Variants in CPQ observed in about 807,000 individuals in gnomAD.
The protein encoded by CPQ is Ser-Met dipeptidase.
Under a neutral mutation model 45.7 loss-of-function variants are expected in CPQ, and 37 were observed. That is an observed-to-expected ratio of 0.81 (90% confidence interval 0.62 to 1.07). The LOEUF is 1.07. Among genes scored for constraint, CPQ ranks in the 50% least tolerant of loss-of-function variants. The pLI, the probability that CPQ is intolerant of heterozygous loss-of-function variation, is 0.00. For missense variants in CPQ, 537 were observed against 572.9 expected, an observed-to-expected ratio of 0.94 and a Z score of 0.64; for synonymous variants, 186 against 205.8, an observed-to-expected ratio of 0.90 and a Z score of 0.82.
intron 6 of CPQ, among the ~76,000 whole-genome samples, chr8:97,054,696 AC>A (rs1305272115): frequency 6.6e-6 from 1 of 152,190 alleles, no homozygotes; most frequent in Non-Finnish European, 1.5e-5. Flanking sequence ...ACATGTCCTC[AC>A]TTATAAGTTG....
chr8:96,805,046 T>C (rs775232782), intron 2 of CPQ, among the ~76,000 whole-genome samples: 10 of 152,158 alleles, frequency 6.6e-5, no homozygotes, highest in Non-Finnish European at 1.5e-4. Context: ...TTGCCAGTGA[T>C]ATAACTGGTC....
chr8:96,999,549 G>A (rs914937792), intron 5 of CPQ, among the ~76,000 whole-genome samples: 2 of 152,006 alleles, frequency 1.3e-5, no homozygotes, highest in African/African-American at 4.8e-5. Context: ...CTCCTTCCAT[G>A]TCCCTGCAAA....
chr8:97,084,697 C>T (rs1461652853), intron 7 of CPQ, among the ~76,000 whole-genome samples: 2 of 152,082 alleles, frequency 1.3e-5, no homozygotes, highest in African/African-American at 4.8e-5. Flanking sequence ...AAAGTGTGTA[C>T]TTTTTAACTG....
intron 3 of CPQ, among the ~76,000 whole-genome samples, chr8:96,854,340 G>C (rs1811812235): frequency 6.6e-6 from 1 of 151,012 alleles, no homozygotes; most frequent in Non-Finnish European, 1.5e-5. Flanking sequence ...GACCATCCCG[G>C]CTAAAACGGT....
rs148555732 is a variant in CPQ, at chr8:96,970,668, A to C, written c.961+4622A>C. Among the ~76,000 whole-genome samples the C allele has an allele frequency of 5.7e-3, 860 of 149,584 alleles. 11 individuals carry two copies. In the Middle Eastern group the frequency reaches 0.081, roughly 14 times the overall value. On this transcript the variant is annotated intron_variant, in intron 5 of 7. Coordinates refer to ENST00000220763, the MANE Select transcript of CPQ (RefSeq NM_016134.4). The stretch of plus-strand genomic sequence containing the variant: ...AAGCTCCGCCTCCCGGGTTCACGCC[A>C]TTCTCCTGCCTCAGCCTCACGAGTA...
At chr8:96,780,855 G>T (rs982088166) in intron 1 of CPQ, among the ~76,000 whole-genome samples, 1 of 151,602 alleles carries the variant, frequency 6.6e-6, no homozygotes, top group Non-Finnish European at 1.5e-5. Context: ...ACATTTCAAG[G>T]GCTCAATATA....
intron 1 of CPQ, among the ~76,000 whole-genome samples, chr8:96,741,426 C>G (rs1810089872): frequency 6.6e-6 from 1 of 152,128 alleles, no homozygotes; most frequent in Admixed American, 6.6e-5. Flanking sequence ...AAAAAACTAG[C>G]TCCCGGATTC....
At chr8:97,016,789 A>T (rs935540997) in intron 5 of CPQ, among the ~76,000 whole-genome samples, 1 of 152,210 alleles carries the variant, frequency 6.6e-6, no homozygotes, top group African/African-American at 2.4e-5. Flanking sequence ...GCATATACAA[A>T]ATGTCAAAAC....
chr8:97,025,129 T>G (rs1444443465), intron 5 of CPQ, among the ~76,000 whole-genome samples: 1 of 152,218 alleles, frequency 6.6e-6, no homozygotes, highest in Admixed American at 6.5e-5. Context: ...CCCCTCTCTG[T>G]GCAAGTGTAA....
chr8:96,884,690 C>T (rs559741956), intron 4 of CPQ, among the ~76,000 whole-genome samples: 1 of 152,162 alleles, frequency 6.6e-6, no homozygotes, highest in Non-Finnish European at 1.5e-5. Flanking sequence ...TCAAGGTCAA[C>T]TGAGAACTGA....
chr8:96,965,901 G>T, intron 4 of CPQ, 34 bp from the exon 5 acceptor site: 1 of 1,404,764 alleles, frequency 7.1e-7, no homozygotes, highest in Non-Finnish European at 9.7e-7. Context: ...TTTTTGCTTA[G>T]TTTTATTTTT....
chr8:96,695,509 C>A (rs1012583726), intron 1 of CPQ, among the ~76,000 whole-genome samples: 4 of 152,032 alleles, frequency 2.6e-5, no homozygotes, highest in African/African-American at 9.7e-5. Flanking sequence ...AGGCAACCTA[C>A]AAAATGAGAG....
intron 1 of CPQ, among the ~76,000 whole-genome samples, chr8:96,712,519 C>T (rs1809620055): frequency 6.6e-6 from 1 of 152,228 alleles, no homozygotes. Flanking sequence ...TCCCAAACCC[C>T]AGTTCTTGAC....
chr8:96,678,084 A>G (rs947148228), intron 1 of CPQ, among the ~76,000 whole-genome samples: 10 of 152,030 alleles, frequency 6.6e-5, no homozygotes, highest in Admixed American at 2.0e-4. Context: ...GCCTTGTAGG[A>G]TAATTTGAAG....
chr8:96,742,047 A>G (rs1346081642), intron 1 of CPQ, among the ~76,000 whole-genome samples: 9 of 143,216 alleles, frequency 6.3e-5, no homozygotes, highest in East Asian at 4.0e-4. Context: ...TTTCTGTCTC[A>G]TTGATCTGTC....
rs531305033 is a variant in CPQ at position 96,693,657 on chromosome 8, C to CA, written c.-35+48263dup. On this transcript the variant is annotated intron_variant, in intron 1 of 7. Transcript: ENST00000220763. ...AGGAGACATAAAGACTTTTCCAGAC[C>CA]AAAAAAAAGGCTGAGGGATTTCATC... 1.4e-4 allele frequency among the ~76,000 whole-genome samples: 21 copies of CA among 151,048 alleles called. No individual in the cohort carries two copies. In the East Asian group the frequency reaches 2.9e-3, roughly 21 times the overall value.
rs540717986 is a variant in CPQ at position 96,880,577 on chromosome 8, A to G, written c.849+572A>G. Among the ~76,000 whole-genome samples the G allele has an allele frequency of 4.7e-3, 538 of 114,498 alleles. 9 individuals carry two copies. The highest frequency in any genetic ancestry group is 7.6e-3 in the Non-Finnish European group (416 of 54,898). 75.1% of individuals were successfully genotyped at this position (114,498 alleles called of 152,430 possible). On this transcript the variant is annotated intron_variant, in intron 4 of 7. Coordinates refer to ENST00000220763, the MANE Select transcript of CPQ (RefSeq NM_016134.4). ...TATATATATATATATATATATATAT[A>G]CCATGGAATACTACCCAGCCATAGA...
At chr8:96,777,797 G>T (rs1324866423) in intron 1 of CPQ, among the ~76,000 whole-genome samples, 7 of 67,434 alleles carry the variant, frequency 1.0e-4, no homozygotes, top group African/African-American at 3.2e-4. Flanking sequence ...TTTTTTTTCT[G>T]GACTCACTGC....
chr8:96,981,170 T>A (rs1481383425), intron 5 of CPQ, among the ~76,000 whole-genome samples: 2 of 152,178 alleles, frequency 1.3e-5, no homozygotes, highest in African/African-American at 4.8e-5. Context: ...AATCTTTCTG[T>A]TTTTTAATAT....
Sources: allele counts gnomAD v4.1 joint callset (sites outside exome capture counted in the v4.1 genomes callset), GRCh38; gene constraint gnomAD v4.1.1; transcripts MANE v1.5; gene names NCBI Gene and HGNC (gene_info 2026-07-23, HGNC 2026-07-21).